Variants in SEMA3A observed in about 807,000 individuals in gnomAD.
SEMA3A encodes semaphorin 3A, also known as semaphorin-3A.
In SEMA3A, 29 loss-of-function variants were observed where a neutral mutation model predicts 97.9. The observed-to-expected ratio is 0.30, with a 90% CI of 0.22 to 0.40. The LOEUF (loss-of-function observed/expected upper bound fraction) is 0.40. Ranked by LOEUF, SEMA3A falls within the 10% of genes least tolerant of loss-of-function variation. The probability of loss-of-function intolerance (pLI) is 1.00; values close to 1 mark genes in which losing one functional copy is unlikely to be tolerated. For missense variants in SEMA3A, 763 were observed against 951.3 expected (o/e 0.80, Z 2.60); for synonymous variants, 321 against 323.7 (o/e 0.99, Z 0.09).
rs188299514 is a variant in SEMA3A, at chr7:84,412,340, A to G, written c.-245-40440T>C. On this transcript the variant is annotated intron_variant, in intron 1 of 3. Coordinates refer to the SEMA3A transcript ENST00000424555. ...ATTATGACCTACACAATCAGCGATG[A>G]AGCATTAAAAAGTGGAACTGTATTG... 1.7e-4 allele frequency among the ~76,000 whole-genome samples: 26 copies of G among 152,258 alleles called. No individual in the cohort carries two copies. In the East Asian group the frequency reaches 4.8e-3, roughly 28 times the overall value.
At chr7:84,322,997 A>G (rs994536721) in intron 2 of SEMA3A, among the ~76,000 whole-genome samples, 1 of 152,198 alleles carries the variant, frequency 6.6e-6, no homozygotes, top group Non-Finnish European at 1.5e-5. Context: ...AAAATTTGGC[A>G]AACAACCACA....
chr7:84,145,436 T>A (rs1017681544), intron 1 of SEMA3A, among the ~76,000 whole-genome samples: 2 of 152,146 alleles, frequency 1.3e-5, no homozygotes, highest in Non-Finnish European at 2.9e-5. Flanking sequence ...AACAAAAATT[T>A]AGAAAAAGTA....
At chr7:84,365,940 A>G (rs983374954) in intron 2 of SEMA3A, among the ~76,000 whole-genome samples, 1 of 151,402 alleles carries the variant, frequency 6.6e-6, no homozygotes, top group Non-Finnish European at 1.5e-5. Flanking sequence ...CATAATTTAC[A>G]TTTGAGTAAT....
At chr7:84,129,940 A>C (rs1244129750) in intron 2 of SEMA3A, among the ~76,000 whole-genome samples, 2 of 152,084 alleles carry the variant, frequency 1.3e-5, no homozygotes, top group Non-Finnish European at 2.9e-5. Flanking sequence ...ATACAGTGAC[A>C]GTAGTAGATG....
At chr7:84,351,186 T>A (rs1434569706) in intron 2 of SEMA3A, among the ~76,000 whole-genome samples, 2 of 151,898 alleles carry the variant, frequency 1.3e-5, no homozygotes, top group Non-Finnish European at 2.9e-5. Flanking sequence ...TTATATAAAG[T>A]CAATGCCAAC....
chr7:84,316,512 T>A (rs1216755023), intron 2 of SEMA3A, among the ~76,000 whole-genome samples: 1 of 152,130 alleles, frequency 6.6e-6, no homozygotes, highest in Non-Finnish European at 1.5e-5. Flanking sequence ...CATAGTATAT[T>A]ACCACCCTAT....
At chr7:84,492,403 T>A (rs1806757002) in intron 1 of SEMA3A, 1 of 152,056 alleles carries the variant, frequency 6.6e-6, no homozygotes, top group African/African-American at 2.4e-5. Context: ...TCCCTGGGAG[T>A]AAACACCCGT....
At chr7:84,442,125 A>G (rs998707546) in intron 1 of SEMA3A, among the ~76,000 whole-genome samples, 3 of 152,160 alleles carry the variant, frequency 2.0e-5, no homozygotes, top group African/African-American at 7.2e-5. Flanking sequence ...ATGGTGTGTA[A>G]CTCCACTTTT....
At chr7:84,310,128 C>T (rs549481400) in intron 2 of SEMA3A, among the ~76,000 whole-genome samples, 1 of 152,000 alleles carries the variant, frequency 6.6e-6, no homozygotes, top group Non-Finnish European at 1.5e-5. Flanking sequence ...TATCTCTATT[C>T]CACATTGACT....
At chr7:84,404,609 G>C (rs1185129707) in intron 1 of SEMA3A, among the ~76,000 whole-genome samples, 1 of 152,054 alleles carries the variant, frequency 6.6e-6, no homozygotes, top group African/African-American at 2.4e-5. Context: ...CACCAAAGTT[G>C]AAATGAAGGA....
chr7:84,456,543 CAAATAG>C (rs919657306), intron 1 of SEMA3A, among the ~76,000 whole-genome samples: 5 of 151,610 alleles, frequency 3.3e-5, no homozygotes, highest in African/African-American at 1.2e-4. Flanking sequence ...TGACATTAAT[CAAATAG>C]AAAGATTTAC....
intron 2 of SEMA3A, among the ~76,000 whole-genome samples, chr7:84,347,259 A>G (rs1411606243): frequency 6.6e-6 from 1 of 152,150 alleles, no homozygotes; most frequent in Non-Finnish European, 1.5e-5. Context: ...ATAAACAAAA[A>G]AGGCAGCTTT....
intron 1 of SEMA3A, among the ~76,000 whole-genome samples, chr7:84,466,093 T>A (rs1043998395): frequency 6.6e-6 from 1 of 152,186 alleles, no homozygotes; most frequent in Admixed American, 6.5e-5. Context: ...CAAGTTAGTC[T>A]GTGACATAAT....
At chr7:84,255,812 G>C (rs758142386) in intron 3 of SEMA3A, among the ~76,000 whole-genome samples, 1 of 150,294 alleles carries the variant, frequency 6.7e-6, no homozygotes, top group Middle Eastern at 3.4e-3. Context: ...TTTTTTTTCT[G>C]ATCCTTTAAA....
chr7:84,330,591 T>G (rs1801887088), intron 2 of SEMA3A, among the ~76,000 whole-genome samples: 1 of 152,046 alleles, frequency 6.6e-6, no homozygotes, highest in African/African-American at 2.4e-5. Flanking sequence ...GGAAGGGTAT[T>G]ACCTAGTTTA....
chr7:84,406,591 A>G (rs1804096530), intron 1 of SEMA3A, among the ~76,000 whole-genome samples: 1 of 148,840 alleles, frequency 6.7e-6, no homozygotes, highest in South Asian at 2.2e-4. Context: ...GCAGAGACAC[A>G]ACAAAAAAAA....
intron 5 of SEMA3A, among the ~76,000 whole-genome samples, chr7:84,050,846 A>T (rs375402559): frequency 4.0e-5 from 6 of 151,676 alleles, no homozygotes; most frequent in Admixed American, 6.6e-5. Context: ...GTTTTAGGTC[A>T]AACGTTTAAG....
At chr7:84,109,798 T>A (rs906012937) in intron 4 of SEMA3A, among the ~76,000 whole-genome samples, 3 of 152,230 alleles carry the variant, frequency 2.0e-5, no homozygotes, top group African/African-American at 7.2e-5. Context: ...AGAGGGTTTA[T>A]AATTGAAGGC....
rs879481159 is a variant in SEMA3A, at chr7:84,136,959, A to AGGG, written c.113-2009_113-2008insCCC. On this transcript the variant is annotated intron_variant, in intron 1 of 16. Coordinates refer to ENST00000265362, the MANE Select transcript of SEMA3A (RefSeq NM_006080.3). ...AAGGGAGGGAGGGAAGGAGGGAGGGAAGAAGGAAGGAAGGAAGGAAGGAAG... is the reference window on the plus strand; with the variant it reads ...AAGGGAGGGAGGGAAGGAGGGAGGGAGGGAGAAGGAAGGAAGGAAGGAAGGAAG... Among the ~76,000 whole-genome samples the AGGG allele has an allele frequency of 1.9e-3, 263 of 139,036 alleles. 1 individual carries two copies. The highest frequency in any genetic ancestry group is 0.014 in the East Asian group (64 of 4,668). 91.2% of individuals were successfully genotyped at this position (139,036 alleles called of 152,430 possible). A position where few individuals can be genotyped will look rare whatever the true frequency, so the allele number is the denominator to read the frequency against.
Sources: gnomAD v4.1 joint callset for allele counts (sites outside exome capture counted in the v4.1 genomes callset) on GRCh38, gnomAD v4.1.1 for gene constraint, MANE v1.5 for transcripts, NCBI Gene and HGNC (gene_info 2026-07-23, HGNC 2026-07-21) for gene names.